Variants in NLGN4X observed in about 807,000 individuals in gnomAD.
NLGN4X encodes the protein neuroligin-4, X-linked.
NLGN4X carries 3 observed loss-of-function variants against 40.3 expected under a neutral mutation model. The observed-to-expected ratio is 0.07, with a 90% confidence interval of 0.03 to 0.19. The LOEUF (loss-of-function observed/expected upper bound fraction) is 0.19, where lower values mean the gene tolerates loss of function less well. Among genes scored for constraint, NLGN4X ranks in the 10% least tolerant of loss-of-function variants. The pLI, the probability that NLGN4X is intolerant of heterozygous loss-of-function variation, is 1.00. For missense variants in NLGN4X, 382 were observed against 708.3 expected (o/e 0.54, Z 5.23); for synonymous variants, 270 against 306.8 (o/e 0.88, Z 1.25).
chrX:6,037,695 G>A lies in NLGN4X; in HGVS notation c.473-8263C>T, dbSNP rs546877105. Among the ~76,000 whole-genome samples, 3 of 92,092 alleles carry A rather than the reference G, an allele frequency of 3.3e-5. No individual in the cohort carries two copies. The South Asian group carries it at 1.7e-3, about 53-fold the overall frequency. The allele number at this position is 92,092 out of a possible 115,157, so 80.0% of individuals were successfully genotyped here. A position where few individuals can be genotyped will look rare whatever the true frequency, so the allele number is the denominator to read the frequency against. The stretch of plus-strand genomic sequence containing the variant: ...TTTCAACTTAGTCTTGTTAAGTAGA[G>A]AAAGAGACTTTTTAAGCTAAGTACA... On this transcript the variant is annotated intron_variant, in intron 2 of 5. Coordinates refer to ENST00000381095, the MANE Select transcript of NLGN4X (RefSeq NM_181332.3).
chrX:6,115,945 A>G (rs1183426707), intron 2 of NLGN4X, among the ~76,000 whole-genome samples: 1 of 110,926 alleles, frequency 9.0e-6, no homozygotes, highest in Non-Finnish European at 1.9e-5. Flanking sequence ...AAGAATTAAG[A>G]GGTGAGCGAG....
chrX:6,048,008 G>A (rs1434905788), intron 2 of NLGN4X, among the ~76,000 whole-genome samples: 1 of 111,722 alleles, frequency 9.0e-6, no homozygotes, highest in Non-Finnish European at 1.9e-5. Context: ...CTGGTCATGG[G>A]TTCTGTTCTT....
chrX:6,112,081 C>T (rs192854206), intron 2 of NLGN4X, among the ~76,000 whole-genome samples: 1 of 111,590 alleles, frequency 9.0e-6, no homozygotes, highest in Non-Finnish European at 1.9e-5. Flanking sequence ...GGTCTACCTT[C>T]TAGATAAAAT....
chrX:5,993,693 T>G (rs1013785318), intron 3 of NLGN4X, among the ~76,000 whole-genome samples: 1 of 111,802 alleles, frequency 8.9e-6, no homozygotes, highest in Admixed American at 9.5e-5. Context: ...TGGTGAAGGA[T>G]GAAGATGCCG....
chrX:6,181,067 G>A (rs1921391103), intron 1 of NLGN4X, among the ~76,000 whole-genome samples: 1 of 111,373 alleles, frequency 9.0e-6, no homozygotes, highest in South Asian at 3.8e-4. Context: ...TGCTTAGGAT[G>A]GAACTTAATT....
chrX:5,967,726 G>A (rs1407922738), intron 3 of NLGN4X, among the ~76,000 whole-genome samples: 1 of 111,094 alleles, frequency 9.0e-6, no homozygotes. Flanking sequence ...GACACAGACT[G>A]GCTCCCTTTC....
chrX:6,088,055 C>T (rs1313221974), intron 2 of NLGN4X, among the ~76,000 whole-genome samples: 1 of 112,209 alleles, frequency 8.9e-6, no homozygotes, highest in Non-Finnish European at 1.9e-5. Context: ...ACCTAGAGTG[C>T]ACCGTGGGGC....
chrX:5,987,313 T>TA (rs1480421382), intron 3 of NLGN4X, among the ~76,000 whole-genome samples: 1 of 112,357 alleles, frequency 8.9e-6, no homozygotes, highest in African/African-American at 3.2e-5. Context: ...TGGGAAAATA[T>TA]AAAGAAAAGC....
intron 2 of NLGN4X, among the ~76,000 whole-genome samples, chrX:6,115,063 A>T (rs2039247261): frequency 8.9e-6 from 1 of 112,397 alleles, no homozygotes; most frequent in African/African-American, 3.2e-5. Flanking sequence ...ATTTAGAAAC[A>T]ATGCCTGTGT....
intron 2 of NLGN4X, among the ~76,000 whole-genome samples, chrX:6,090,437 TG>T (rs1410068732): frequency 5.4e-5 from 6 of 111,515 alleles, no homozygotes; most frequent in Non-Finnish European, 9.4e-5. Flanking sequence ...TTCTTTGATC[TG>T]AATCTCATTT....
In NLGN4X at chrX:5,903,791, T is replaced by C; in HGVS notation, c.887A>G (p.Tyr296Cys). The C allele has an allele frequency of 8.3e-7, 1 of 1,211,707 alleles. No homozygotes were observed. The highest frequency in any genetic ancestry group is 1.1e-6 in the Non-Finnish European group (1 of 895,522). Residue 296 changes from tyrosine (Y) to cysteine (C), a missense_variant, in exon 5 of 6, where the codon TAC (tyrosine) becomes TGC (cysteine). Transcript: ENST00000381095. ...GACCTTGTCTGCCAATATCCGAGTGTACTTGGCCGGCTGGTAGTTCACTGC... is the reference window on the plus strand; with the variant it reads ...GACCTTGTCTGCCAATATCCGAGTGCACTTGGCCGGCTGGTAGTTCACTGC... ...SWAVNYQPAK[Y>C]TRILADKVGC...
intron 1 of NLGN4X, among the ~76,000 whole-genome samples, chrX:6,222,683 G>A (rs1186675046): frequency 2.7e-5 from 3 of 112,361 alleles, no homozygotes; most frequent in African/African-American, 9.7e-5. Context: ...ATATGGTTTG[G>A]CTTTGTCCCC....
chrX:6,008,021 G>A (rs2036147194), intron 3 of NLGN4X, among the ~76,000 whole-genome samples: 1 of 111,693 alleles, frequency 9.0e-6, no homozygotes, highest in Non-Finnish European at 1.9e-5. Flanking sequence ...CTCCTTTCAG[G>A]ACCTTTCTAC....
Position 5,979,983 on chromosome X carries a change from T to G in NLGN4X, c.625+49297A>C, listed in dbSNP as rs542772350. 2.8e-5 allele frequency among the ~76,000 whole-genome samples: 3 copies of G among 107,255 alleles called. No individual in the cohort carries two copies. The South Asian group carries it at 1.2e-3, about 42-fold the overall frequency. The allele number at this position is 107,255 out of a possible 115,157, so 93.1% of individuals were successfully genotyped here. The stretch of plus-strand genomic sequence containing the variant: ...CAGTATTTTAAATATTTATTTTATT[T>G]AAATAGGCTTTTACATTTTCATAGT... On this transcript the variant is annotated intron_variant, in intron 3 of 5. Coordinates refer to ENST00000381095, the MANE Select transcript of NLGN4X (RefSeq NM_181332.3).
At chrX:6,171,447 C>T (rs2040604534) in intron 1 of NLGN4X, among the ~76,000 whole-genome samples, 1 of 112,399 alleles carries the variant, frequency 8.9e-6, no homozygotes, top group African/African-American at 3.2e-5. Flanking sequence ...GACCTGCATT[C>T]TTTCAGCTCT....
chrX:6,163,159 C>T (rs1329384729), intron 1 of NLGN4X, among the ~76,000 whole-genome samples: 1 of 112,063 alleles, frequency 8.9e-6, no homozygotes, highest in Non-Finnish European at 1.9e-5. Flanking sequence ...CCACATGGAA[C>T]TGTGAGTCCA....
chrX:6,115,060 AAC>A (rs2039247174), intron 2 of NLGN4X, among the ~76,000 whole-genome samples: 1 of 112,444 alleles, frequency 8.9e-6, no homozygotes, highest in African/African-American at 3.2e-5. Flanking sequence ...ATAATTTAGA[AAC>A]AATGCCTGTG....
chrX:6,017,256 T>C (rs749893303), intron 3 of NLGN4X, among the ~76,000 whole-genome samples: 9 of 111,936 alleles, frequency 8.0e-5, no homozygotes, highest in African/African-American at 2.9e-4. Flanking sequence ...GAGAAAATGC[T>C]TATGACATTT....
At chrX:6,125,091 T>C (rs1327764166) in intron 2 of NLGN4X, among the ~76,000 whole-genome samples, 2 of 112,419 alleles carry the variant, frequency 1.8e-5, no homozygotes, top group African/African-American at 3.2e-5. Flanking sequence ...AGTCCAGTGA[T>C]AGTTCAAATG....
Sources: gnomAD v4.1 joint callset for allele counts (sites outside exome capture counted in the v4.1 genomes callset) on GRCh38, gnomAD v4.1.1 for gene constraint, MANE v1.5 for transcripts, NCBI Gene and HGNC (gene_info 2026-07-23, HGNC 2026-07-21) for gene names.